CCNL1: variants seen among roughly 807,000 people sequenced by gnomAD.
The protein encoded by CCNL1 is cyclin L1.
CCNL1 carries 13 observed loss-of-function variants against 60.6 expected under a neutral mutation model. That is an observed-to-expected ratio of 0.21 (90% CI 0.14 to 0.34). The LOEUF (loss-of-function observed/expected upper bound fraction) is 0.34, where lower values mean the gene tolerates loss of function less well. CCNL1 is among the 10% of genes least tolerant of loss of function. The pLI, the probability that CCNL1 is intolerant of heterozygous loss-of-function variation, is 1.00. For synonymous variants in CCNL1, 270 were observed against 244.3 expected (o/e 1.10, Z -0.98); for missense variants, 481 against 664.3 (o/e 0.72, Z 3.03).
chr3:157,158,396 C>T (rs1738790151), intron 3 of CCNL1, among the ~76,000 whole-genome samples: 1 of 152,214 alleles, frequency 6.6e-6, no homozygotes, highest in Non-Finnish European at 1.5e-5. Context: ...TTGAGAAGTA[C>T]TCTAACAAAA....
At chr3:157,144,060 A>T (rs2108101826), downstream of CCNL1, among the ~76,000 whole-genome samples, 1 of 152,338 alleles carries the variant, frequency 6.6e-6, no homozygotes, top group Admixed American at 6.5e-5. Flanking sequence ...TGAGCTATAA[A>T]AGCAGGCAGG....
downstream of CCNL1, among the ~76,000 whole-genome samples, chr3:157,145,131 G>C (rs1737741360): frequency 6.6e-6 from 1 of 152,046 alleles, no homozygotes; most frequent in Non-Finnish European, 1.5e-5. Flanking sequence ...AACATGAAAG[G>C]ACTTGTACTA....
intron 3 of CCNL1, 109 bp downstream of exon 3, chr3:157,158,757 G>T: frequency 1.5e-6 from 1 of 661,268 alleles, no homozygotes; most frequent in Admixed American, 2.8e-5. Flanking sequence ...ATTAAAGTCC[G>T]TTTTCTTTTG....
intron 10 of CCNL1, chr3:157,149,038 T>C (rs1044078188): frequency 2.1e-6 from 1 of 479,982 alleles, no homozygotes; most frequent in Non-Finnish European, 3.7e-6. Context: ...TGAACAATAC[T>C]ATGGCCCTCA....
In CCNL1 at chr3:157,154,983, C is replaced by G. The variant is rs575958424; in HGVS notation, c.489-1827G>C. 2.1e-5 allele frequency among the ~76,000 whole-genome samples: 3 copies of G among 142,686 alleles called. No individual in the cohort carries two copies. The South Asian group carries it at 6.8e-4, about 32-fold the overall frequency. 93.6% of individuals were successfully genotyped at this position (142,686 alleles called of 152,430 possible). ...ATACATACATACATATAAACATATT[C>G]CAAAGATCTTAAGGTCTATGATCAG... On this transcript the variant is annotated intron_variant, in intron 3 of 10. Coordinates refer to ENST00000295926, the MANE Select transcript of CCNL1 (RefSeq NM_020307.4).
intron 5 of CCNL1, chr3:157,151,877 T>C (rs1230518154): frequency 1.6e-6 from 2 of 1,228,456 alleles, no homozygotes; most frequent in East Asian, 5.5e-5. Flanking sequence ...CATCCTGAGG[T>C]CATGGGCTGA....
intron 5 of CCNL1, chr3:157,151,054 A>C (rs1560197101): frequency 2.0e-6 from 2 of 984,904 alleles, no homozygotes; most frequent in Non-Finnish European, 1.2e-6. Flanking sequence ...CTATCAAAGA[A>C]ATTTTACAGA....
In CCNL1 at chr3:157,148,251, T is replaced by C; in HGVS notation, c.1571A>G (p.His524Arg). The part of the protein sequence containing the change: ...HGGSRSGHGR[H>R]RR The stretch of plus-strand genomic sequence containing the variant: ...CAAAGGAAGAGAAAGTCAGCGCCTG[T>C]GCCTGCCATGTCCTGAGCGACTGCC... Residue 524 changes from histidine to arginine, a missense_variant, in exon 11 of 11, where the codon CAC becomes CGC. Coordinates refer to ENST00000295926, the MANE Select transcript of CCNL1 (RefSeq NM_020307.4). 1 of 1,613,012 alleles carries C rather than the reference T, an allele frequency of 6.2e-7. No individual in the cohort carries two copies. The highest frequency in any genetic ancestry group is 8.5e-7 in the Non-Finnish European group (1 of 1,179,182).
intron 4 of CCNL1, chr3:157,152,655 A>T: frequency 9.3e-7 from 1 of 1,075,508 alleles, no homozygotes; most frequent in Non-Finnish European, 1.1e-6. Flanking sequence ...GGTAACAGTG[A>T]GCAGCCAACA....
intron 3 of CCNL1, among the ~76,000 whole-genome samples, chr3:157,157,392 C>CTCTT (rs10653337): frequency 0.44 from 67,084 of 151,708 alleles, 15,544 homozygotes; most frequent in Admixed American, 0.58. Context: ...ACGAAGTAAA[C>CTCTT]TAGTCTCACA....
chr3:157,149,371 C>T lies in CCNL1; in HGVS notation c.1148G>A (p.Ser383Asn), dbSNP rs559653080. ...KSPYNGVRKD[S>N]KRSRNSRSAS... ...ACTTCTGCTATTTCTACTTCTCTTG[C>T]TGTCTTTTCTTACACTTCAAAAAAT... The change falls in exon 10 of 11, where the codon AGC (serine) becomes AAC (asparagine). Residue 383 changes from serine (S) to asparagine (N), a missense_variant. Coordinates refer to ENST00000295926, the MANE Select transcript of CCNL1 (RefSeq NM_020307.4). 6.2e-7 allele frequency: 1 copy of T among 1,613,900 alleles called. No individual in the cohort carries two copies. Among genetic ancestry groups the T allele is most frequent in the Admixed American group, 1.7e-5 (1 of 60,016 alleles).
chr3:157,159,603 C>A, intron 1 of CCNL1, 124 bp from the exon 2 acceptor site: 1 of 1,060,446 alleles, frequency 9.4e-7, no homozygotes. Context: ...TGCGAACAGC[C>A]CGCTGCCAAG....
Position 157,150,160 on chromosome 3 carries a change from G to C in CCNL1, c.784C>G (p.Pro262Ala), listed in dbSNP as rs746584529. 6.2e-7 allele frequency: 1 copy of C among 1,611,660 alleles called. No homozygotes were observed. Among genetic ancestry groups the C allele is most frequent in the Non-Finnish European group, 8.5e-7 (1 of 1,179,334 alleles). The change falls in exon 7 of 11, where the codon CCA becomes GCA. Residue 262 changes from proline (P) to alanine (A), a missense_variant. Around this residue, in one of 5 missense-constraint regions of CCNL1, gnomAD observed 75 missense variants for 129.6 expected, o/e 0.58. Coordinates refer to ENST00000295926, the MANE Select transcript of CCNL1 (RefSeq NM_020307.4). Reference sequence around the variant, plus strand: ...AGAAGAAACCAATGGGGACGAGTTGGCAACGGAATCTAAACCATAAGAACA... The same window carrying C: ...AGAAGAAACCAATGGGGACGAGTTGCCAACGGAATCTAAACCATAAGAACA... ...LAARALQIPL[P>A]TRPHWFLLFG...
At chr3:157,151,020 A>C (rs544509140) in intron 5 of CCNL1, 1 of 985,282 alleles carries the variant, frequency 1.0e-6, no homozygotes, top group South Asian at 4.7e-5. Context: ...TTTATTAATG[A>C]ACCCTCCCCA....
At chr3:157,154,263 CTTTTG>C (rs1453452329) in intron 3 of CCNL1, 10 of 152,172 alleles carry the variant, frequency 6.6e-5, no homozygotes, top group African/African-American at 1.2e-4. Flanking sequence ...AGGAATTGGG[CTTTTG>C]TTTTTTGTTG....
chr3:157,150,012 T>TA (rs1420459110), intron 7 of CCNL1, 35 bp from the exon 8 acceptor site: 30 of 1,611,080 alleles, frequency 1.9e-5, no homozygotes, highest in Non-Finnish European at 2.4e-5. Context: ...ATTTCTTCCT[T>TA]AGAGTAGCTT....
rs1737885813 is a variant in CCNL1 at position 157,148,268 on chromosome 3, G to A, written c.1554C>T (p.Arg518=). Residue 518 remains arginine, a synonymous_variant, in exon 11 of 11, where the codon CGC becomes CGT. Coordinates refer to ENST00000295926, the MANE Select transcript of CCNL1 (RefSeq NM_020307.4). ...AGCGCCTGTGCCTGCCATGTCCTGA[G>A]CGACTGCCACCATGGTGCTTGCTTT... is the stretch of plus-strand genomic sequence containing the variant. The part of the protein sequence containing the change: ...SHKSKHHGGS[R]SGHGRHRR 2 of 1,614,026 alleles carry A rather than the reference G, an allele frequency of 1.2e-6. No homozygotes were observed. The highest frequency in any genetic ancestry group is 1.1e-5 in the South Asian group (1 of 91,086).
downstream of CCNL1, chr3:157,146,600 C>T (rs559072494): frequency 2.6e-6 from 1 of 384,500 alleles, no homozygotes; most frequent in Non-Finnish European, 5.1e-6. Context: ...CGTAGCAAGA[C>T]CTCGTCTCTA....
chr3:157,144,086 A>T (rs894635063), downstream of CCNL1, among the ~76,000 whole-genome samples: 1 of 152,204 alleles, frequency 6.6e-6, no homozygotes, highest in South Asian at 2.1e-4. Context: ...AATTTTCTCC[A>T]TACTTAGACT....
Sources: allele counts gnomAD v4.1 joint callset (sites outside exome capture counted in the v4.1 genomes callset), GRCh38; gene constraint gnomAD v4.1.1; regional missense constraint gnomAD v4.1.1; transcripts MANE v1.5; gene names NCBI Gene and HGNC (gene_info 2026-07-23, HGNC 2026-07-21).